PAK5: variants seen among roughly 807,000 people sequenced by gnomAD.
PAK5 encodes p21 (RAC1) activated kinase 5.
A neutral mutation model predicts 65.9 loss-of-function variants in PAK5; 16 were observed. That is an observed-to-expected ratio of 0.24 (90% CI 0.16 to 0.37). The LOEUF (loss-of-function observed/expected upper bound fraction) is 0.37, where lower values mean the gene tolerates loss of function less well. Ranked by LOEUF, PAK5 falls within the 10% of genes least tolerant of loss-of-function variation. The probability of loss-of-function intolerance (pLI) is 1.00; values close to 1 mark genes in which losing one functional copy is unlikely to be tolerated. For missense variants in PAK5, 785 were observed against 903.9 expected (o/e 0.87, Z 1.69); for synonymous variants, 371 against 354.9 (o/e 1.05, Z -0.51).
chr20:9,641,534 G>C (rs935464607), intron 3 of PAK5, among the ~76,000 whole-genome samples: 2 of 150,950 alleles, frequency 1.3e-5, no homozygotes, highest in African/African-American at 4.9e-5. Flanking sequence ...TCACCTAGTG[G>C]ATCCCGCACC....
chr20:9,812,968 TA>T (rs1218476037), intron 1 of PAK5, among the ~76,000 whole-genome samples: 1 of 151,778 alleles, frequency 6.6e-6, no homozygotes, highest in Non-Finnish European at 1.5e-5. Flanking sequence ...AAAATAAAAA[TA>T]AAAAAGTTTA....
At chr20:9,666,977 T>A (rs1367483185) in intron 2 of PAK5, among the ~76,000 whole-genome samples, 1 of 152,148 alleles carries the variant, frequency 6.6e-6, no homozygotes, top group Non-Finnish European at 1.5e-5. Context: ...TGTCCCTTCT[T>A]TCATTAAGAT....
At chr20:9,812,658 G>T (rs1316547347) in intron 1 of PAK5, among the ~76,000 whole-genome samples, 1 of 152,090 alleles carries the variant, frequency 6.6e-6, no homozygotes, top group Non-Finnish European at 1.5e-5. Context: ...ATTTCTAATA[G>T]GCAAAAGTTA....
intron 3 of PAK5, among the ~76,000 whole-genome samples, chr20:9,598,491 G>A (rs1253576796): frequency 6.6e-6 from 1 of 152,086 alleles, no homozygotes; most frequent in Non-Finnish European, 1.5e-5. Flanking sequence ...GGGATTGCTG[G>A]GTCAAATGGT....
intron 1 of PAK5, among the ~76,000 whole-genome samples, chr20:9,794,119 T>A (rs954500057): frequency 6.6e-6 from 1 of 150,428 alleles, no homozygotes; most frequent in Non-Finnish European, 1.5e-5. Flanking sequence ...TAAGTGGGAG[T>A]TGAACAATGA....
At chr20:9,581,273 T>C (rs960923275) in intron 3 of PAK5, among the ~76,000 whole-genome samples, 1 of 152,226 alleles carries the variant, frequency 6.6e-6, no homozygotes, top group African/African-American at 2.4e-5. Flanking sequence ...TAATAAGCCC[T>C]AACCACCTAA....
chr20:9,640,049 A>G (rs1266109109), intron 3 of PAK5, among the ~76,000 whole-genome samples: 1 of 152,142 alleles, frequency 6.6e-6, no homozygotes, highest in Admixed American at 6.5e-5. Context: ...CTTCAGCTAG[A>G]ATGTTTATTA....
intron 4 of PAK5, among the ~76,000 whole-genome samples, chr20:9,578,879 A>C (rs1394606821): frequency 6.6e-6 from 1 of 152,126 alleles, no homozygotes; most frequent in Non-Finnish European, 1.5e-5. Context: ...TAAAAAAAAA[A>C]CACTGTCACT....
At chr20:9,560,908 A>G (rs975527183) in intron 6 of PAK5, among the ~76,000 whole-genome samples, 9 of 152,202 alleles carry the variant, frequency 5.9e-5, no homozygotes, top group Non-Finnish European at 1.2e-4. Context: ...TGGGTACAGC[A>G]TGGATTCTCA....
At chr20:9,551,880 A>T (rs570958289) in intron 7 of PAK5, among the ~76,000 whole-genome samples, 1 of 152,284 alleles carries the variant, frequency 6.6e-6, no homozygotes, top group African/African-American at 2.4e-5. Context: ...AAGTTAGAGA[A>T]CGTTATGGAA....
chr20:9,765,961 C>G (rs914499186), intron 1 of PAK5, among the ~76,000 whole-genome samples: 10 of 152,078 alleles, frequency 6.6e-5, no homozygotes, highest in Non-Finnish European at 1.2e-4. Context: ...TGGTGGCTCA[C>G]GCCTGTAATC....
chr20:9,711,818 A>T (rs1376323120), intron 1 of PAK5, among the ~76,000 whole-genome samples: 2 of 152,270 alleles, frequency 1.3e-5, no homozygotes, highest in South Asian at 2.1e-4. Flanking sequence ...TCAATTCTTG[A>T]TATTTGCAGT....
intron 1 of PAK5, among the ~76,000 whole-genome samples, chr20:9,727,945 A>C (rs1004725): frequency 0.67 from 101,424 of 151,810 alleles, 34,208 homozygotes; most frequent in South Asian, 0.84. Flanking sequence ...CTTCAAGGAG[A>C]CTCATTTTCT....
intron 3 of PAK5, among the ~76,000 whole-genome samples, chr20:9,600,048 C>G (rs2046334534): frequency 6.6e-6 from 1 of 152,026 alleles, no homozygotes; most frequent in Admixed American, 6.6e-5. Context: ...AAGGGGCCAC[C>G]TTCATTTTTT....
intron 2 of PAK5, among the ~76,000 whole-genome samples, chr20:9,666,537 C>T (rs1289690335): frequency 1.3e-5 from 2 of 151,534 alleles, no homozygotes; most frequent in Non-Finnish European, 2.9e-5. Context: ...TGTTCCACAA[C>T]ATTTTGAGTT....
At chr20:9,732,179 C>T (rs1410177034) in intron 1 of PAK5, among the ~76,000 whole-genome samples, 1 of 131,030 alleles carries the variant, frequency 7.6e-6, no homozygotes, top group African/African-American at 2.9e-5. Context: ...ACTCACTCTT[C>T]TGAAAGTTTA....
chr20:9,755,110 T>C (rs1417465219), intron 1 of PAK5, among the ~76,000 whole-genome samples: 1 of 152,140 alleles, frequency 6.6e-6, no homozygotes, highest in Non-Finnish European at 1.5e-5. Flanking sequence ...CCAAATGAAA[T>C]ACCCACACCC....
chr20:9,765,102 T>C (rs2123658273), intron 1 of PAK5, among the ~76,000 whole-genome samples: 1 of 152,280 alleles, frequency 6.6e-6, no homozygotes, highest in South Asian at 2.1e-4. Flanking sequence ...ATTGAAATAA[T>C]GAGCCATAAC....
intron 4 of PAK5, among the ~76,000 whole-genome samples, chr20:9,574,784 C>T (rs956600716): frequency 6.6e-6 from 1 of 152,036 alleles, no homozygotes; most frequent in Non-Finnish European, 1.5e-5. Flanking sequence ...TAATGAAGAC[C>T]CTGTAGGTAA....
Sources: gnomAD v4.1 joint callset for allele counts (sites outside exome capture counted in the v4.1 genomes callset) on GRCh38, gnomAD v4.1.1 for gene constraint, MANE v1.5 for transcripts, NCBI Gene and HGNC (gene_info 2026-07-23, HGNC 2026-07-21) for gene names.